Variants in SP100 observed in about 807,000 individuals in gnomAD.
The protein encoded by SP100 is nuclear autoantigen Sp-100.
Under a neutral mutation model 130.0 loss-of-function variants are expected in SP100, and 84 were observed. The ratio of observed to expected loss-of-function variants is 0.65; its 90% CI spans 0.54 to 0.77. SP100 has a LOEUF of 0.77. Among genes scored for constraint, SP100 ranks in the 30% least tolerant of loss-of-function variants. The pLI, the probability that SP100 is intolerant of heterozygous loss-of-function variation, is 0.00. For missense variants in SP100, 978 were observed against 1,052.2 expected (o/e 0.93, Z 0.97); for synonymous variants, 331 against 351.7 (o/e 0.94, Z 0.66).
chr2:230,512,757 T>C (rs929312529), intron 24 of SP100, among the ~76,000 whole-genome samples: 5 of 152,188 alleles, frequency 3.3e-5, no homozygotes, highest in African/African-American at 4.8e-5. Context: ...ATTATTACAT[T>C]GTAATAGATA....
At chr2:230,461,514 G>A in intron 9 of SP100, 100 bp downstream of exon 9, 1 of 1,210,456 alleles carries the variant, frequency 8.3e-7, no homozygotes, top group Non-Finnish European at 1.2e-6. Flanking sequence ...CAGGTAGCCT[G>A]GGATGGAGGC....
chr2:230,540,532 C>T (rs918586393), intron 25 of SP100, among the ~76,000 whole-genome samples: 3 of 152,192 alleles, frequency 2.0e-5, no homozygotes, highest in African/African-American at 2.4e-5. Flanking sequence ...AGAGGCCCAA[C>T]ACTTTGTGCT....
chr2:230,452,335 G>A (rs898864663), intron 8 of SP100, among the ~76,000 whole-genome samples: 3 of 151,868 alleles, frequency 2.0e-5, no homozygotes, highest in Non-Finnish European at 2.9e-5. Flanking sequence ...ACTCCACCAC[G>A]CCCAGCTAAT....
intron 19 of SP100, among the ~76,000 whole-genome samples, chr2:230,500,123 T>C (rs569798921): frequency 1.3e-5 from 2 of 152,214 alleles, no homozygotes; most frequent in African/African-American, 4.8e-5. Flanking sequence ...CCAAGAATGA[T>C]TAGTCCCTGC....
At chr2:230,479,088 T>C (rs2065706097) in intron 17 of SP100, among the ~76,000 whole-genome samples, 1 of 152,256 alleles carries the variant, frequency 6.6e-6, no homozygotes, top group Non-Finnish European at 1.5e-5. Flanking sequence ...CCCAAAGTGC[T>C]GGGATTACAG....
In SP100 at chr2:230,503,125, T is replaced by C. The variant is rs780023256; in HGVS notation, c.1765+15T>C. 3 of 1,553,010 alleles carry C rather than the reference T, an allele frequency of 1.9e-6. No homozygotes were observed. Among genetic ancestry groups the C allele is most frequent in the African/African-American group, 1.4e-5 (1 of 73,208 alleles). ...AAGAAAAAGAGGTAAATAGAAGTGA[T>C]CGATATGTTTTTCATAATTAAACAT... On this transcript the variant is annotated intron_variant, in intron 20 of 28. Coordinates refer to ENST00000340126, the MANE Select transcript of SP100 (RefSeq NM_001080391.2).
chr2:230,442,556 T>C (rs1206718406), intron 2 of SP100, among the ~76,000 whole-genome samples: 2 of 152,238 alleles, frequency 1.3e-5, no homozygotes, highest in African/African-American at 4.8e-5. Flanking sequence ...AAGATGCATA[T>C]TCAAGGTTAG....
intron 2 of SP100, among the ~76,000 whole-genome samples, chr2:230,427,055 A>G (rs1345388136): frequency 6.6e-6 from 1 of 152,104 alleles, no homozygotes; most frequent in African/African-American, 2.4e-5. Flanking sequence ...CATTTGGTAT[A>G]AATATAGTCA....
intron 17 of SP100, among the ~76,000 whole-genome samples, chr2:230,477,836 GA>G (rs558940843): frequency 4.5e-4 from 68 of 151,944 alleles, no homozygotes; most frequent in African/African-American, 1.6e-3. Flanking sequence ...TCAGGAGGCT[GA>G]GGCAGGAGTA....
At chr2:230,441,994 G>A (rs111805192) in intron 2 of SP100, among the ~76,000 whole-genome samples, 2 of 152,056 alleles carry the variant, frequency 1.3e-5, no homozygotes, top group African/African-American at 2.4e-5. Flanking sequence ...CTTTGTCATT[G>A]TGAATCTAAT....
intron 2 of SP100, among the ~76,000 whole-genome samples, chr2:230,422,228 A>T (rs554121475): frequency 1.1e-4 from 16 of 152,098 alleles, no homozygotes; most frequent in East Asian, 7.7e-4. Flanking sequence ...GAGGATGAAA[A>T]TTTTTTTTAA....
chr2:230,418,538 G>A (rs1007675345), intron 2 of SP100, among the ~76,000 whole-genome samples: 56 of 152,036 alleles, frequency 3.7e-4, no homozygotes, highest in African/African-American at 1.3e-3. Context: ...GGCTTGGCCA[G>A]GGCAGGTCAC....
At chr2:230,514,489 T>C (rs574576146) in intron 24 of SP100, among the ~76,000 whole-genome samples, 16 of 152,260 alleles carry the variant, frequency 1.1e-4, no homozygotes, top group South Asian at 6.2e-4. Flanking sequence ...TTTTTGAAAC[T>C]CAAAAATAAT....
intron 24 of SP100, among the ~76,000 whole-genome samples, chr2:230,528,597 T>C (rs1439218539): frequency 6.6e-6 from 1 of 151,848 alleles, no homozygotes; most frequent in Non-Finnish European, 1.5e-5. Context: ...CTGAAGGAGA[T>C]AGAGACACAA....
intron 2 of SP100, among the ~76,000 whole-genome samples, chr2:230,419,421 T>G (rs904485682): frequency 6.6e-6 from 1 of 152,180 alleles, no homozygotes; most frequent in Non-Finnish European, 1.5e-5. Context: ...GGTGATCAGA[T>G]CGACTGTCCT....
At chr2:230,536,602 G>A (rs959382539) in intron 24 of SP100, among the ~76,000 whole-genome samples, 6 of 152,060 alleles carry the variant, frequency 3.9e-5, no homozygotes, top group Admixed American at 2.0e-4. Context: ...TCTCCTTCCT[G>A]TTAACCAATT....
intron 17 of SP100, among the ~76,000 whole-genome samples, chr2:230,488,811 G>A (rs1287725794): frequency 2.6e-5 from 4 of 152,194 alleles, no homozygotes; most frequent in Non-Finnish European, 5.9e-5. Flanking sequence ...CTGTTTATGT[G>A]ATGGATTACA....
At chr2:230,460,489 C>G (rs1195202975) in intron 8 of SP100, among the ~76,000 whole-genome samples, 1 of 150,910 alleles carries the variant, frequency 6.6e-6, no homozygotes, top group Non-Finnish European at 1.5e-5. Flanking sequence ...CAAAATTAAC[C>G]TTAGTGTTGG....
chr2:230,466,162 G>A, intron 11 of SP100, 139 bp from the exon 12 acceptor site: 1 of 489,446 alleles, frequency 2.0e-6, no homozygotes, highest in South Asian at 2.7e-5. Flanking sequence ...TCCAGCCTGG[G>A]TGATAGAACA....
Sources: allele counts gnomAD v4.1 joint callset (sites outside exome capture counted in the v4.1 genomes callset), GRCh38; gene constraint gnomAD v4.1.1; transcripts MANE v1.5; gene names NCBI Gene and HGNC (gene_info 2026-07-23, HGNC 2026-07-21).